The following ZNF292 variants were observed in gnomAD, a reference collection of about 807,000 sequenced individuals.
The protein encoded by ZNF292 is 16 zinc-finger domain protein.
Under a neutral mutation model 217.9 loss-of-function variants are expected in ZNF292, and 26 were observed. The ratio of observed to expected loss-of-function variants is 0.12; its 90% CI spans 0.09 to 0.17. The LOEUF (loss-of-function observed/expected upper bound fraction) is 0.17, where lower values mean the gene tolerates loss of function less well. Ranked by LOEUF, ZNF292 falls within the 10% of genes least tolerant of loss-of-function variation. The pLI, the probability that ZNF292 is intolerant of heterozygous loss-of-function variation, is 1.00. For synonymous variants in ZNF292, 1,257 were observed against 1,124.1 expected, an observed-to-expected ratio of 1.12 and a Z score of -2.37; for missense variants, 2,904 against 3,175.2, an observed-to-expected ratio of 0.91 and a Z score of 2.05.
intron 7 of ZNF292, among the ~76,000 whole-genome samples, chr6:87,251,232 C>T (rs376753568): frequency 9.8e-4 from 149 of 152,268 alleles, no homozygotes; most frequent in African/African-American, 3.2e-3. Context: ...AAGTCCTTTT[C>T]GTATTCCACA....
At chr6:87,198,033 T>C (rs896585798) in intron 1 of ZNF292, among the ~76,000 whole-genome samples, 1 of 152,168 alleles carries the variant, frequency 6.6e-6, no homozygotes, top group African/African-American at 2.4e-5. Flanking sequence ...TACTGATTGG[T>C]ATTTTCTTTT....
At chr6:87,179,278 A>G (rs1316252674) in intron 1 of ZNF292, among the ~76,000 whole-genome samples, 1 of 149,346 alleles carries the variant, frequency 6.7e-6, no homozygotes, top group African/African-American at 2.5e-5. Context: ...TTCCTGCCAC[A>G]GCTTCCCGAG....
intron 1 of ZNF292, chr6:87,174,153 CAG>C (rs1336239266): frequency 6.4e-6 from 1 of 156,126 alleles, no homozygotes; most frequent in African/African-American, 2.4e-5. Flanking sequence ...GTTAAGGTAG[CAG>C]AGTGATGTGC....
intron 3 of ZNF292, among the ~76,000 whole-genome samples, chr6:87,217,419 A>T (rs181879742): frequency 5.3e-5 from 8 of 152,204 alleles, no homozygotes; most frequent in South Asian, 2.1e-4. Flanking sequence ...CATTGCAACT[A>T]ACTTTTTGAT....
intron 7 of ZNF292, among the ~76,000 whole-genome samples, chr6:87,248,978 A>G (rs2127847026): frequency 1.3e-5 from 2 of 152,352 alleles, no homozygotes; most frequent in Middle Eastern, 6.8e-3. Flanking sequence ...GCACAGATAT[A>G]GAACATTCCT....
chr6:87,218,471 T>C, intron 3 of ZNF292, 125 bp from the exon 4 acceptor site: 2 of 633,862 alleles, frequency 3.2e-6, no homozygotes, highest in Non-Finnish European at 2.5e-6. Flanking sequence ...TTGAGTACTT[T>C]GTAATGTGAT....
chr6:87,222,763 A>G (rs1469619262), intron 4 of ZNF292: 2 of 449,732 alleles, frequency 4.4e-6, no homozygotes, highest in Admixed American at 2.4e-5. Flanking sequence ...TCCTTTTTCT[A>G]TTCCAGGATT....
In ZNF292 at chr6:87,259,028, C is replaced by T; in HGVS notation, c.5399C>T (p.Thr1800Ile). The change falls in exon 8 of 8, where the codon ACT becomes ATT. Residue 1800 changes from threonine (T) to isoleucine (I), a missense_variant. By Grantham distance (89) the Thr-to-Ile change is moderately conservative. This residue lies in a region of ZNF292 where 622 missense variants were observed against 573.1 expected (regional missense o/e 1.09). Coordinates refer to ENST00000369577, the MANE Select transcript of ZNF292 (RefSeq NM_015021.3). ...NYNIQLPSVNTVQNNKLPDSS... is the reference protein window; with the variant it reads ...NYNIQLPSVNIVQNNKLPDSS... ...AACATTCAGCTTCCTTCAGTAAACA[C>T]TGTGCAAAATAACAAATTACCCGAT... is the stretch of plus-strand genomic sequence containing the variant. 1.2e-6 allele frequency: 2 copies of T among 1,613,542 alleles called. No homozygotes were observed. The highest frequency in any genetic ancestry group is 1.7e-6 in the Non-Finnish European group (2 of 1,179,694).
intron 5 of ZNF292, among the ~76,000 whole-genome samples, chr6:87,234,573 A>T (rs557951879): frequency 3.9e-4 from 59 of 151,524 alleles, no homozygotes; most frequent in South Asian, 6.3e-4. Context: ...AAAAAAAAAA[A>T]TTTTTTTTAA....
intron 1 of ZNF292, among the ~76,000 whole-genome samples, chr6:87,163,394 T>G (rs1770816961): frequency 6.6e-6 from 1 of 151,688 alleles, no homozygotes; most frequent in Non-Finnish European, 1.5e-5. Flanking sequence ...GAACTTGCAG[T>G]GAGCCACGAT....
At chr6:87,224,886 A>T (rs534307133) in intron 4 of ZNF292, among the ~76,000 whole-genome samples, 1 of 152,136 alleles carries the variant, frequency 6.6e-6, no homozygotes, top group Admixed American at 6.5e-5. Flanking sequence ...GTGAAAATAC[A>T]TGGGAGTATG....
intron 4 of ZNF292, among the ~76,000 whole-genome samples, chr6:87,219,882 C>T (rs1317029377): frequency 1.3e-5 from 2 of 152,190 alleles, no homozygotes; most frequent in Non-Finnish European, 2.9e-5. Context: ...GGCTAGAGTG[C>T]GGTGGTGCGA....
intron 1 of ZNF292, among the ~76,000 whole-genome samples, chr6:87,202,652 A>G (rs1772129287): frequency 6.6e-6 from 1 of 152,138 alleles, no homozygotes. Context: ...CCTCTATCAC[A>G]TTAAAGAGCT....
chr6:87,163,478 A>G (rs1420320628), intron 1 of ZNF292, among the ~76,000 whole-genome samples: 1 of 151,936 alleles, frequency 6.6e-6, no homozygotes, highest in Non-Finnish European at 1.5e-5. Context: ...AAAAAACCAC[A>G]TACATTTTAG....
In ZNF292 at chr6:87,258,056, C is replaced by T. The variant is rs749237267; in HGVS notation, c.4427C>T (p.Thr1476Ile). The T allele has an allele frequency of 1.5e-5, 24 of 1,613,650 alleles. No homozygotes were observed. In the Admixed American group the frequency reaches 4.0e-4, roughly 27 times the overall value. Residue 1476 changes from threonine (T) to isoleucine (I), a missense_variant, in exon 8 of 8, where the codon ACT (threonine) becomes ATT (isoleucine). Transcript: ENST00000369577. ...AATACATTTCCTCGATCTGGTGTGA[C>T]TAACTTTAATACCAGTGTCAGTCAA... The part of the protein sequence containing the change: ...LPNTFPRSGV[T>I]NFNTSVSQEG...
intron 4 of ZNF292, among the ~76,000 whole-genome samples, chr6:87,219,913 A>G (rs899665495): frequency 6.6e-6 from 1 of 152,192 alleles, no homozygotes; most frequent in African/African-American, 2.4e-5. Context: ...CCGCAGCCTC[A>G]CTTCCAGACT....
chr6:87,241,442 G>C (rs1438659444), intron 5 of ZNF292, among the ~76,000 whole-genome samples: 1 of 123,484 alleles, frequency 8.1e-6, no homozygotes, highest in African/African-American at 3.1e-5. Context: ...TTTTTTTTGA[G>C]ACCGAGTGCT....
At chr6:87,205,175 C>A (rs1252266612) in intron 1 of ZNF292, among the ~76,000 whole-genome samples, 1 of 152,056 alleles carries the variant, frequency 6.6e-6, no homozygotes, top group Non-Finnish European at 1.5e-5. Context: ...TGGGCTCGAG[C>A]GATCCTCCAG....
intron 1 of ZNF292, among the ~76,000 whole-genome samples, chr6:87,208,067 A>C (rs1235264490): frequency 6.6e-6 from 1 of 152,222 alleles, no homozygotes; most frequent in African/African-American, 2.4e-5. Context: ...TTTAATAGTT[A>C]CAATCGTTGG....
Sources: gnomAD v4.1 joint callset for allele counts (sites outside exome capture counted in the v4.1 genomes callset) on GRCh38, gnomAD v4.1.1 for gene constraint, gnomAD v4.1.1 regional missense constraint, MANE v1.5 for transcripts, NCBI Gene and HGNC (gene_info 2026-07-23, HGNC 2026-07-21) for gene names.